Variants in ZNF704 observed in about 807,000 individuals in gnomAD.
ZNF704 encodes the protein glucocorticoid induced gene 1.
Under a neutral mutation model 44.7 loss-of-function variants are expected in ZNF704, and 10 were observed. The ratio of observed to expected loss-of-function variants is 0.22; its 90% CI spans 0.14 to 0.38. The LOEUF is 0.38. Among genes scored for constraint, ZNF704 ranks in the 10% least tolerant of loss-of-function variants. The probability of loss-of-function intolerance (pLI) is 1.00; values close to 1 mark genes in which losing one functional copy is unlikely to be tolerated. For synonymous variants in ZNF704, 211 were observed against 207.6 expected (o/e 1.02, Z -0.14); for missense variants, 390 against 545.5 (o/e 0.71, Z 2.84).
intron 1 of ZNF704, among the ~76,000 whole-genome samples, chr8:80,827,794 CA>C (rs577388168): frequency 4.3e-4 from 65 of 152,118 alleles, no homozygotes; most frequent in Non-Finnish European, 8.4e-4. Context: ...TGATCTTTGA[CA>C]AAACTGACAA....
At chr8:80,734,560 T>C (rs1806634054) in intron 2 of ZNF704, among the ~76,000 whole-genome samples, 1 of 152,230 alleles carries the variant, frequency 6.6e-6, no homozygotes, top group South Asian at 2.1e-4. Flanking sequence ...AATTGCCAGA[T>C]GTGATGCTGT....
chr8:80,805,123 C>T (rs896794934), intron 2 of ZNF704, among the ~76,000 whole-genome samples: 1 of 152,062 alleles, frequency 6.6e-6, no homozygotes, highest in Non-Finnish European at 1.5e-5. Flanking sequence ...GTACATAAAA[C>T]CTTACCTTTC....
the ZNF704 span, among the ~76,000 whole-genome samples, chr8:80,883,378 G>A: frequency 1.4e-4 from 21 of 151,790 alleles, no homozygotes; most frequent in Non-Finnish European, 2.9e-4. Flanking sequence ...ATATAAATGT[G>A]AGCATACAAA....
intron 4 of ZNF704, 33 bp downstream of exon 4, chr8:80,687,193 T>C (rs1446657347): frequency 6.3e-7 from 1 of 1,585,092 alleles, no homozygotes; most frequent in East Asian, 2.2e-5. Flanking sequence ...TTCAGGAAAC[T>C]GAATGCAGAA....
rs1315101401 is a variant in ZNF704, at chr8:80,636,487, T to C, written c.*4879A>G. The C allele has an allele frequency of 6.6e-6, 1 of 152,230 alleles. No individual in the cohort carries two copies. Among genetic ancestry groups the C allele is most frequent in the Non-Finnish European group, 1.5e-5 (1 of 68,044 alleles). The allele number at this position is 152,230 out of a possible 1,614,324, so 9.4% of individuals were successfully genotyped here. A position where few individuals can be genotyped will look rare whatever the true frequency, so the allele number is the denominator to read the frequency against. Reference sequence around the variant, plus strand: ...GGTGTGCATTACTCAGTGATACAACTGGTACCTAAAAAAAGTGCTAATCTC... The same window carrying C: ...GGTGTGCATTACTCAGTGATACAACCGGTACCTAAAAAAAGTGCTAATCTC... On this transcript the variant is annotated 3_prime_UTR_variant, in exon 9 of 9. Transcript: ENST00000327835.
At chr8:80,673,757 T>C (rs921900065) in intron 4 of ZNF704, among the ~76,000 whole-genome samples, 1 of 152,246 alleles carries the variant, frequency 6.6e-6, no homozygotes, top group African/African-American at 2.4e-5. Context: ...AGAGTGCTCA[T>C]GTGTTGGTGA....
chr8:80,851,495 G>C (rs572798969), intron 1 of ZNF704, among the ~76,000 whole-genome samples: 1 of 148,434 alleles, frequency 6.7e-6, no homozygotes, highest in South Asian at 2.1e-4. Context: ...AACACCACAT[G>C]TTCTCACTCA....
intron 1 of ZNF704, among the ~76,000 whole-genome samples, chr8:80,823,412 C>A (rs1387096747): frequency 1.3e-5 from 2 of 152,200 alleles, no homozygotes; most frequent in Non-Finnish European, 2.9e-5. Flanking sequence ...TAGGTAAGCA[C>A]AACGGCTGGG....
intron 1 of ZNF704, among the ~76,000 whole-genome samples, chr8:80,861,458 G>A (rs1315078620): frequency 2.0e-5 from 3 of 152,148 alleles, no homozygotes; most frequent in Non-Finnish European, 4.4e-5. Flanking sequence ...ATGCTAATGG[G>A]TACGGGGTAT....
intron 2 of ZNF704, among the ~76,000 whole-genome samples, chr8:80,718,319 A>G (rs911503933): frequency 6.6e-6 from 1 of 152,068 alleles, no homozygotes; most frequent in Non-Finnish European, 1.5e-5. Context: ...TAATGCTTTG[A>G]ACTTTTATTA....
At chr8:80,698,993 C>A (rs771759952) in intron 2 of ZNF704, among the ~76,000 whole-genome samples, 2 of 152,022 alleles carry the variant, frequency 1.3e-5, no homozygotes, top group Admixed American at 6.6e-5. Flanking sequence ...AGACATTTAT[C>A]GGCAATTAAA....
At chr8:80,654,750 A>C (rs1817984133) in intron 7 of ZNF704, among the ~76,000 whole-genome samples, 1 of 152,224 alleles carries the variant, frequency 6.6e-6, no homozygotes, top group Non-Finnish European at 1.5e-5. Flanking sequence ...GTGGGACTGT[A>C]AACTAGTTCA....
At chr8:80,722,629 T>C (rs940443872) in intron 2 of ZNF704, among the ~76,000 whole-genome samples, 2 of 152,242 alleles carry the variant, frequency 1.3e-5, no homozygotes, top group African/African-American at 4.8e-5. Flanking sequence ...AGCACCTAGT[T>C]TGTCATCAAT....
intron 7 of ZNF704, among the ~76,000 whole-genome samples, chr8:80,644,756 G>T (rs1817800700): frequency 6.6e-6 from 1 of 152,218 alleles, no homozygotes; most frequent in Non-Finnish European, 1.5e-5. Context: ...CTGGGCTATG[G>T]TGGTGGTGGC....
intron 2 of ZNF704, among the ~76,000 whole-genome samples, chr8:80,705,194 A>C (rs1818876468): frequency 6.6e-6 from 1 of 152,186 alleles, no homozygotes. Flanking sequence ...CCCTTCTGGG[A>C]CTGCCACTGA....
chr8:80,647,612 G>A (rs902337735), intron 7 of ZNF704, among the ~76,000 whole-genome samples: 5 of 152,178 alleles, frequency 3.3e-5, no homozygotes, highest in African/African-American at 9.7e-5. Context: ...TAGGTATGGC[G>A]GCAGTGGTGG....
intron 1 of ZNF704, among the ~76,000 whole-genome samples, chr8:80,835,359 A>G (rs1376368975): frequency 1.3e-5 from 2 of 152,240 alleles, no homozygotes; most frequent in Admixed American, 6.5e-5. Context: ...GCCAAGGTTA[A>G]GAACTTGTCT....
At chr8:80,734,837 G>C (rs1806641128) in intron 2 of ZNF704, among the ~76,000 whole-genome samples, 1 of 152,204 alleles carries the variant, frequency 6.6e-6, no homozygotes, top group African/African-American at 2.4e-5. Flanking sequence ...TCTGCCATTT[G>C]GAGCTGGCCT....
At chr8:80,826,466 C>A (rs939804931) in intron 1 of ZNF704, among the ~76,000 whole-genome samples, 1 of 152,066 alleles carries the variant, frequency 6.6e-6, no homozygotes, top group African/African-American at 2.4e-5. Flanking sequence ...CAGGAACAGA[C>A]GGATTCACAG....
Sources: gnomAD v4.1 joint callset for allele counts (sites outside exome capture counted in the v4.1 genomes callset) on GRCh38, gnomAD v4.1.1 for gene constraint, MANE v1.5 for transcripts, NCBI Gene and HGNC (gene_info 2026-07-23, HGNC 2026-07-21) for gene names.